UBE3C: variants seen among roughly 807,000 people sequenced by gnomAD.
UBE3C encodes ubiquitin protein ligase E3C.
UBE3C carries 42 observed loss-of-function variants against 129.4 expected under a neutral mutation model. That is an observed-to-expected ratio of 0.32 (90% CI 0.25 to 0.42). The LOEUF (loss-of-function observed/expected upper bound fraction) is 0.42. UBE3C is among the 10% of genes least tolerant of loss of function. The probability of loss-of-function intolerance (pLI) is 1.00; values close to 1 mark genes in which losing one functional copy is unlikely to be tolerated. For missense variants in UBE3C, 1,049 were observed against 1,319.1 expected, an observed-to-expected ratio of 0.80 and a Z score of 3.17; for synonymous variants, 510 against 492.4, an observed-to-expected ratio of 1.04 and a Z score of -0.47.
chr7:157,148,873 C>T (rs944218341), intron 1 of UBE3C, among the ~76,000 whole-genome samples: 2 of 151,646 alleles, frequency 1.3e-5, no homozygotes, highest in African/African-American at 4.9e-5. Context: ...CCTCAGCCTC[C>T]TGAGGAGCTG....
chr7:157,226,658 A>G (rs991469517), intron 17 of UBE3C, among the ~76,000 whole-genome samples: 29 of 151,806 alleles, frequency 1.9e-4, no homozygotes, highest in African/African-American at 7.0e-4. Flanking sequence ...AACTAATTTT[A>G]TCATAATGTT....
intron 18 of UBE3C, among the ~76,000 whole-genome samples, chr7:157,242,517 T>TTG (rs1563071692): frequency 0.16 from 3,105 of 19,458 alleles, 128 homozygotes; most frequent in African/African-American, 0.38. Context: ...CTGAGTTGTT[T>TTG]TTTTTTTTTT....
chr7:157,195,701 T>G (rs1859550), intron 10 of UBE3C, among the ~76,000 whole-genome samples: 8,791 of 152,214 alleles, frequency 0.058, 277 homozygotes, highest in South Asian at 0.077. Context: ...TCTCCCAAAT[T>G]TAGATGGCTT....
At chr7:157,263,677 A>G (rs1238446276) in intron 22 of UBE3C, among the ~76,000 whole-genome samples, 1 of 151,822 alleles carries the variant, frequency 6.6e-6, no homozygotes, top group Non-Finnish European at 1.5e-5. Flanking sequence ...AAAAAAAAAA[A>G]AAGTCTAGCA....
chr7:157,144,683 CT>C (rs149472708), intron 1 of UBE3C, among the ~76,000 whole-genome samples: 1 of 139,860 alleles, frequency 7.2e-6, no homozygotes, highest in African/African-American at 2.6e-5. Context: ...TTGTCCAGTG[CT>C]TTTTTTAAAA....
In UBE3C at chr7:157,139,049, G is replaced by T. The variant is rs1362323711; in HGVS notation, c.-224G>T. On this transcript the variant is annotated 5_prime_UTR_variant, in exon 1 of 23. Transcript: ENST00000348165. ...GAGCTGTGGCCGGCGTGGATGAGGG[G>T]CAGGCGAGGCAGGGCCGCCCCTCCA... The T allele has an allele frequency of 6.4e-6, 1 of 156,912 alleles. No individual in the cohort carries two copies. Among genetic ancestry groups the T allele is most frequent in the East Asian group, 1.9e-4 (1 of 5,278 alleles). The allele number at this position is 156,912 out of a possible 1,614,324, so 9.7% of individuals were successfully genotyped here.
chr7:157,229,148 C>T (rs1353664587), intron 17 of UBE3C, among the ~76,000 whole-genome samples: 1 of 152,162 alleles, frequency 6.6e-6, no homozygotes, highest in Non-Finnish European at 1.5e-5. Flanking sequence ...CCCCAACTCT[C>T]GTCCCCTCTC....
rs1260898514 is a variant in UBE3C at position 157,230,928 on chromosome 7, AAAT to A, written c.2234-148_2234-146del. On this transcript the variant is annotated intron_variant, in intron 17 of 22. Transcript: ENST00000348165. ...TGACGGAGCAAGACTCTGTCTCAAA[AAAT>A]AATGATAATATCATTGCTGTTTTGA... 9.1e-6 allele frequency: 11 copies of A among 1,212,246 alleles called. No individual in the cohort carries two copies. In the African/African-American group the frequency reaches 1.1e-4, roughly 12 times the overall value. 75.1% of individuals were successfully genotyped at this position (1,212,246 alleles called of 1,614,324 possible). A position where few individuals can be genotyped will look rare whatever the true frequency, so the allele number is the denominator to read the frequency against.
At chr7:157,160,316 C>G (rs1329456333) in intron 1 of UBE3C, among the ~76,000 whole-genome samples, 1 of 152,154 alleles carries the variant, frequency 6.6e-6, no homozygotes, top group African/African-American at 2.4e-5. Flanking sequence ...CTCAGGCGAT[C>G]TGCCGGCCTT....
At chr7:157,203,653 T>C (rs1809351190) in intron 11 of UBE3C, among the ~76,000 whole-genome samples, 1 of 152,238 alleles carries the variant, frequency 6.6e-6, no homozygotes, top group Non-Finnish European at 1.5e-5. Context: ...GGGATATTGT[T>C]AATTATATTA....
At chr7:157,255,938 G>A (rs908894220) in intron 21 of UBE3C, among the ~76,000 whole-genome samples, 1 of 152,132 alleles carries the variant, frequency 6.6e-6, no homozygotes, top group Admixed American at 6.6e-5. Flanking sequence ...ATCATGCTGG[G>A]AAAACACCCA....
At chr7:157,189,877 T>C (rs1473436171) in intron 10 of UBE3C, among the ~76,000 whole-genome samples, 2 of 152,192 alleles carry the variant, frequency 1.3e-5, no homozygotes, top group East Asian at 1.9e-4. Flanking sequence ...CTCGGCTCAC[T>C]GCAACCTCCA....
intron 18 of UBE3C, among the ~76,000 whole-genome samples, chr7:157,235,590 A>G (rs560661747): frequency 9.5e-4 from 145 of 152,304 alleles, no homozygotes; most frequent in Non-Finnish European, 1.9e-3. Flanking sequence ...TGGAATATGT[A>G]TATATTTACA....
At chr7:157,219,989 T>C (rs1431013743) in intron 14 of UBE3C, among the ~76,000 whole-genome samples, 1 of 152,040 alleles carries the variant, frequency 6.6e-6, no homozygotes, top group Non-Finnish European at 1.5e-5. Flanking sequence ...GGCAGGTGGC[T>C]TGCTTAAGCT....
intron 1 of UBE3C, among the ~76,000 whole-genome samples, chr7:157,148,743 T>TC (rs1006535928): frequency 6.6e-6 from 1 of 151,186 alleles, no homozygotes; most frequent in African/African-American, 2.4e-5. Context: ...TTTTTTTTTT[T>TC]TTTTTTCCTT....
In UBE3C at chr7:157,190,080, G is replaced by A. The variant is rs151178625; in HGVS notation, c.1331+3059G>A. Among the ~76,000 whole-genome samples the A allele has an allele frequency of 5.6e-4, 85 of 152,328 alleles. 2 individuals are homozygous for A. Among genetic ancestry groups the A allele is most frequent in the East Asian group, 4.4e-3 (23 of 5,176 alleles). ...TTTCCAAAGTGCTGGGATTACAGGC[G>A]TGAGCCACTGCGCCCTGCTTAGTTT... On this transcript the variant is annotated intron_variant, in intron 10 of 22. Transcript: ENST00000348165.
At chr7:157,240,508 G>T (rs1322432241) in intron 18 of UBE3C, among the ~76,000 whole-genome samples, 1 of 152,142 alleles carries the variant, frequency 6.6e-6, no homozygotes, top group Non-Finnish European at 1.5e-5. Context: ...CAGCCGTGTG[G>T]GTTACTTTTT....
rs1270666989 is a variant in UBE3C, at chr7:157,248,503, C to T, written c.2617C>T (p.Leu873=). 1.9e-6 allele frequency: 3 copies of T among 1,613,444 alleles called. No individual in the cohort carries two copies. In the South Asian group the frequency reaches 3.3e-5, roughly 18 times the overall value. ...TGAGGTGTATAAGAATTTGCTCTTTCTGAAGAGCTACGAAGACGATGTGGA... is the reference window on the plus strand; with the variant it reads ...TGAGGTGTATAAGAATTTGCTCTTTTTGAAGAGCTACGAAGACGATGTGGA... ...DPEVYKNLLF[L]KSYEDDVEEL... The change falls in exon 19 of 23, where the codon CTG becomes TTG. Residue 873 remains leucine, a synonymous_variant. Transcript: ENST00000348165.
Position 157,231,104 on chromosome 7 carries a change from G to A in UBE3C, c.2258G>A (p.Arg753His), listed in dbSNP as rs1163834176. ...ENEPDLKKRI[R>H]VHLLNAHGLD... The stretch of plus-strand genomic sequence containing the variant: ...GAGCCTGATTTGAAAAAGCGGATCC[G>A]TGTGCACTTGCTCAATGCCCATGGC... Residue 753 changes from arginine (R) to histidine (H), a missense_variant, in exon 18 of 23, where the codon CGT becomes CAT. Coordinates refer to ENST00000348165, the MANE Select transcript of UBE3C (RefSeq NM_014671.3). The A allele has an allele frequency of 3.7e-6, 6 of 1,613,850 alleles. No individual in the cohort carries two copies. The highest frequency in any genetic ancestry group is 2.2e-5 in the East Asian group (1 of 44,890).
Sources: allele counts gnomAD v4.1 joint callset (sites outside exome capture counted in the v4.1 genomes callset), GRCh38; gene constraint gnomAD v4.1.1; transcripts MANE v1.5; gene names NCBI Gene and HGNC (gene_info 2026-07-23, HGNC 2026-07-21).